The following THOC1 variants were observed in gnomAD, a reference collection of about 807,000 sequenced individuals.
THOC1 encodes THO complex 1.
A neutral mutation model predicts 97.3 loss-of-function variants in THOC1; 29 were observed. That is an observed-to-expected ratio of 0.30 (90% confidence interval 0.22 to 0.41). The LOEUF is 0.41. THOC1 is among the 10% of genes least tolerant of loss of function. The pLI is 1.00. For missense variants in THOC1, 529 were observed against 761.9 expected, an observed-to-expected ratio of 0.69 and a Z score of 3.60; for synonymous variants, 255 against 257.0, an observed-to-expected ratio of 0.99 and a Z score of 0.07.
chr18:233,367 A>G (rs1264260246), intron 11 of THOC1, among the ~76,000 whole-genome samples: 3 of 152,188 alleles, frequency 2.0e-5, no homozygotes, highest in Non-Finnish European at 2.9e-5. Context: ...CGGGCAGATC[A>G]CCTGAGGTTG....
chr18:223,543 G>T, intron 16 of THOC1, 38 bp from the exon 17 acceptor site: 1 of 1,480,920 alleles, frequency 6.8e-7, no homozygotes, highest in Non-Finnish European at 9.2e-7. Flanking sequence ...ATTTTTTATG[G>T]ACACCATCCT....
chr18:253,658 A>T, intron 8 of THOC1, among the ~76,000 whole-genome samples: 1 of 152,312 alleles, frequency 6.6e-6, no homozygotes, highest in South Asian at 2.1e-4. Flanking sequence ...CAGAAAGTAC[A>T]TCTATTCTAT....
chr18:237,537 G>T (rs1458699788), intron 11 of THOC1, among the ~76,000 whole-genome samples: 1 of 151,936 alleles, frequency 6.6e-6, no homozygotes, highest in Non-Finnish European at 1.5e-5. Flanking sequence ...GTTAAAATCT[G>T]CCCAGACAAT....
intron 12 of THOC1, 147 bp from the exon 13 acceptor site, chr18:225,550 AT>A: frequency 1.5e-6 from 1 of 652,156 alleles, no homozygotes; most frequent in Non-Finnish European, 2.6e-6. Flanking sequence ...AAATGAGAGG[AT>A]TATAAGAGAA....
intron 17 of THOC1, 131 bp downstream of exon 17, chr18:223,309 G>A (rs16973195): frequency 1.2e-4 from 76 of 614,274 alleles, no homozygotes; most frequent in African/African-American, 1.1e-3. Flanking sequence ...GAAGTTACAC[G>A]CTGCTGTGCC....
chr18:264,006 C>T lies in THOC1; in HGVS notation c.256+20G>A, dbSNP rs755151698. 3.8e-6 allele frequency: 6 copies of T among 1,591,560 alleles called. No homozygotes were observed. Among genetic ancestry groups the T allele is most frequent in the South Asian group, 3.4e-5 (3 of 88,850 alleles). On this transcript the variant is annotated intron_variant, in intron 4 of 20. Transcript: ENST00000261600. ...ATGTCCAAGATTACTTTAAACAAAACAAAACGGAACCATACTTACCTTCAG... is the reference window on the plus strand; with the variant it reads ...ATGTCCAAGATTACTTTAAACAAAATAAAACGGAACCATACTTACCTTCAG...
At chr18:229,385 G>GA (rs1353089026) in intron 11 of THOC1, among the ~76,000 whole-genome samples, 5 of 152,138 alleles carry the variant, frequency 3.3e-5, no homozygotes, top group African/African-American at 1.2e-4. Context: ...CTAATCCATT[G>GA]AAAGTGTTTT....
At chr18:251,766 G>A (rs188812691) in intron 9 of THOC1, among the ~76,000 whole-genome samples, 6 of 152,310 alleles carry the variant, frequency 3.9e-5, no homozygotes, top group East Asian at 1.9e-4. Flanking sequence ...AGCAGATGGC[G>A]TCCTGTACAG....
At chr18:265,802 T>G (rs1912748576) in intron 1 of THOC1, among the ~76,000 whole-genome samples, 1 of 145,012 alleles carries the variant, frequency 6.9e-6, no homozygotes, top group Admixed American at 6.9e-5. Context: ...ATGAGTATTG[T>G]GCTTACAAAA....
At chr18:263,954 G>A in intron 4 of THOC1, 72 bp downstream of exon 4, 2 of 1,170,358 alleles carry the variant, frequency 1.7e-6, no homozygotes, top group Non-Finnish European at 2.5e-6. Flanking sequence ...GAAGTATGGG[G>A]AGAAGACGTT....
intron 18 of THOC1, among the ~76,000 whole-genome samples, chr18:218,533 G>C (rs1443106147): frequency 6.6e-6 from 1 of 152,156 alleles, no homozygotes; most frequent in East Asian, 1.9e-4. Context: ...TCTCATGGAC[G>C]CCAAGAGAAG....
Position 265,526 on chromosome 18 carries a change from G to A in THOC1, c.59C>T (p.Ser20Phe). The change falls in exon 2 of 21, where the codon TCT becomes TTT. Residue 20 changes from serine (S) to phenylalanine (F), a missense_variant. By Grantham distance (155) the Ser-to-Phe change is radical (BLOSUM62 -2). This residue lies in a region of THOC1 where 114 missense variants were observed against 97.4 expected (regional missense o/e 1.17). Transcript: ENST00000261600. ...LPEARTRFTK[S>F]TREALNNKNI... ...TTTGTTGTTCAAGGCCTCTCTGGTA[G>A]ACTTCTAAAAAAAAATTAAAATGGC... 6.4e-7 allele frequency: 1 copy of A among 1,571,202 alleles called. No individual in the cohort carries two copies.
chr18:253,035 A>C lies in THOC1; in HGVS notation c.604-423T>G, dbSNP rs1912330307. Reference sequence around the variant, plus strand: ...CCTCAACACCAATAATGATCAAGGAAATGAAATTAAAACTAAGAAGACTTA... The same window carrying C: ...CCTCAACACCAATAATGATCAAGGACATGAAATTAAAACTAAGAAGACTTA... On this transcript the variant is annotated intron_variant, in intron 8 of 20. Transcript: ENST00000261600. 1.3e-5 allele frequency among the ~76,000 whole-genome samples: 2 copies of C among 152,240 alleles called. 1 individual carries two copies. Among genetic ancestry groups the C allele is most frequent in the South Asian group, 4.1e-4 (2 of 4,830 alleles).
At chr18:262,989 G>A (rs898150316) in intron 4 of THOC1, among the ~76,000 whole-genome samples, 5 of 152,108 alleles carry the variant, frequency 3.3e-5, no homozygotes. Context: ...TTGTTTACCC[G>A]AAGTCTTCTA....
At chr18:236,606 G>C (rs572669323) in intron 11 of THOC1, among the ~76,000 whole-genome samples, 77 of 151,364 alleles carry the variant, frequency 5.1e-4, no homozygotes, top group Non-Finnish European at 9.1e-4. Context: ...CTCGTGATCC[G>C]CCCGCCTCGG....
intron 7 of THOC1, among the ~76,000 whole-genome samples, chr18:258,355 C>T (rs921802688): frequency 1.3e-5 from 2 of 152,004 alleles, no homozygotes; most frequent in African/African-American, 2.4e-5. Context: ...CACAGACCTG[C>T]ACTGAAGAAA....
At chr18:217,179 T>C (rs987040906) in intron 18 of THOC1, among the ~76,000 whole-genome samples, 2 of 152,234 alleles carry the variant, frequency 1.3e-5, no homozygotes, top group African/African-American at 2.4e-5. Flanking sequence ...CCCCTAAGAA[T>C]AGCAATTTGG....
chr18:242,530 A>G lies in THOC1; in HGVS notation c.918+3794T>C, dbSNP rs751556287. 1.3e-5 allele frequency among the ~76,000 whole-genome samples: 2 copies of G among 152,220 alleles called. No individual in the cohort carries two copies. The highest frequency in any genetic ancestry group is 2.9e-5 in the Non-Finnish European group (2 of 68,038). On this transcript the variant is annotated intron_variant, in intron 11 of 20. Coordinates refer to ENST00000261600, the MANE Select transcript of THOC1 (RefSeq NM_005131.3). The surrounding 1 kb of genome is among the most constrained non-coding windows in gnomAD (Gnocchi z 4.5). ...AAAGTCTGACCAGATTCATGTAACA[A>G]AACACAATGCTTCTGGATAATATTC...
At chr18:253,376 A>G (rs570006241) in intron 8 of THOC1, among the ~76,000 whole-genome samples, 8 of 152,358 alleles carry the variant, frequency 5.3e-5, no homozygotes, top group African/African-American at 1.9e-4. Context: ...TATCAGAGAT[A>G]ATCTGAATGT....
Sources: allele counts gnomAD v4.1 joint callset (sites outside exome capture counted in the v4.1 genomes callset), GRCh38; gene constraint gnomAD v4.1.1; regional missense constraint gnomAD v4.1.1; non-coding constraint Gnocchi (gnomAD v3.1); transcripts MANE v1.5; gene names NCBI Gene and HGNC (gene_info 2026-07-23, HGNC 2026-07-21).